Variants in MAPK14 observed in about 807,000 individuals in gnomAD.
The protein encoded by MAPK14 is mitogen-activated protein kinase 14.
A neutral mutation model predicts 49.6 loss-of-function variants in MAPK14; 16 were observed. That is an observed-to-expected ratio of 0.32 (90% confidence interval 0.22 to 0.49). The LOEUF is 0.49. Among genes scored for constraint, MAPK14 ranks in the 20% least tolerant of loss-of-function variants. MAPK14 has a pLI of 0.99. For missense variants in MAPK14, 200 were observed against 441.2 expected (o/e 0.45, Z 4.90); for synonymous variants, 142 against 158.0 (o/e 0.90, Z 0.76).
intron 1 of MAPK14, among the ~76,000 whole-genome samples, chr6:36,051,517 C>T (rs1340474156): frequency 1.3e-5 from 2 of 152,206 alleles, no homozygotes; most frequent in African/African-American, 4.8e-5. Context: ...TCTCCCCTTG[C>T]TCCCTGTGCT....
chr6:36,119,756 C>T, the MAPK14 span, among the ~76,000 whole-genome samples: 1 of 151,968 alleles, frequency 6.6e-6, no homozygotes, highest in African/African-American at 2.4e-5. Context: ...CATTTTGCGA[C>T]GCACAGGACG....
chr6:36,096,259 G>A (rs851007), intron 9 of MAPK14, 193 bp downstream of exon 9: 243,190 of 514,934 alleles, frequency 0.47, 61,743 homozygotes, highest in South Asian at 0.61. Flanking sequence ...GCATGCACAA[G>A]TGTGTTTTAT....
intron 8 of MAPK14, among the ~76,000 whole-genome samples, chr6:36,077,774 G>A (rs1364034881): frequency 6.6e-6 from 1 of 152,114 alleles, no homozygotes; most frequent in Non-Finnish European, 1.5e-5. Flanking sequence ...TTTTAAATTA[G>A]TTTAATACCT....
intron 8 of MAPK14, among the ~76,000 whole-genome samples, chr6:36,079,602 T>G (rs1764667971): frequency 6.6e-6 from 1 of 152,224 alleles, no homozygotes; most frequent in South Asian, 2.1e-4. Context: ...AGGCCCTGGG[T>G]TGGAAAAGCT....
intron 2 of MAPK14, among the ~76,000 whole-genome samples, chr6:36,056,054 G>A (rs1763578529): frequency 6.6e-6 from 1 of 151,876 alleles, no homozygotes; most frequent in African/African-American, 2.4e-5. Flanking sequence ...ATTAAAATTT[G>A]GTAGGGTATT....
chr6:36,095,833 G>C (rs1239815316), intron 8 of MAPK14, among the ~76,000 whole-genome samples, 154 bp from the exon 9 acceptor site: 1 of 151,456 alleles, frequency 6.6e-6, no homozygotes, highest in Non-Finnish European at 1.5e-5. Context: ...TCCTGCAGGA[G>C]CCTTGACCTA....
At chr6:36,092,037 C>G in intron 8 of MAPK14, 2 of 445,804 alleles carry the variant, frequency 4.5e-6, no homozygotes, top group Non-Finnish European at 8.8e-6. Flanking sequence ...TTGCATGTTT[C>G]AGTGCTAGAG....
At position 36,109,321 on chromosome 6, in the gene MAPK14, G is replaced by T. The variant is rs1581860579; in HGVS notation, c.*874G>T. On this transcript the variant is annotated 3_prime_UTR_variant, in exon 12 of 12. Coordinates refer to ENST00000229794, the MANE Select transcript of MAPK14 (RefSeq NM_139012.3). Reference sequence around the variant, plus strand: ...TATCTGCCCCAGTAGTCAGAAGCAGGTTCTTGATGTCATGTACTTCCTGTG... The same window carrying T: ...TATCTGCCCCAGTAGTCAGAAGCAGTTTCTTGATGTCATGTACTTCCTGTG... 1.3e-5 allele frequency: 2 copies of T among 152,696 alleles called. No homozygotes were observed. Among genetic ancestry groups the T allele is most frequent in the South Asian group, 4.1e-4 (2 of 4,832 alleles). The allele number at this position is 152,696 out of a possible 1,614,324, so 9.5% of individuals were successfully genotyped here. A position where few individuals can be genotyped will look rare whatever the true frequency, so the allele number is the denominator to read the frequency against.
At chr6:36,090,215 T>A (rs1009019673) in intron 8 of MAPK14, among the ~76,000 whole-genome samples, 6 of 152,216 alleles carry the variant, frequency 3.9e-5, no homozygotes, top group Non-Finnish European at 8.8e-5. Context: ...AATAAACACC[T>A]CTGTTCATAC....
intron 1 of MAPK14, among the ~76,000 whole-genome samples, chr6:36,036,111 C>G: frequency 6.6e-6 from 1 of 151,972 alleles, no homozygotes; most frequent in African/African-American, 2.4e-5. Context: ...TGGTGTACAC[C>G]TATAGTCCCA....
At chr6:36,074,555 C>T (rs569484986) in intron 6 of MAPK14, among the ~76,000 whole-genome samples, 2 of 152,234 alleles carry the variant, frequency 1.3e-5, no homozygotes, top group Admixed American at 1.3e-4. Context: ...TTAGAATGCA[C>T]CATTTCATTT....
intron 8 of MAPK14, among the ~76,000 whole-genome samples, chr6:36,086,013 C>T (rs1764970122): frequency 6.6e-6 from 1 of 152,296 alleles, no homozygotes; most frequent in African/African-American, 2.4e-5. Flanking sequence ...TCACTCAAAA[C>T]CACACAATTA....
intron 2 of MAPK14, among the ~76,000 whole-genome samples, chr6:36,057,581 T>C (rs894419721): frequency 2.0e-5 from 3 of 152,142 alleles, no homozygotes; most frequent in Admixed American, 2.0e-4. Context: ...GAGTCGGGCG[T>C]GGTGGTGCAT....
intron 8 of MAPK14, chr6:36,076,818 A>G (rs1409548992): frequency 9.2e-6 from 4 of 437,120 alleles, no homozygotes; most frequent in Admixed American, 4.1e-5. Context: ...AAAATTCCTC[A>G]TAAGTTGAAA....
At chr6:36,065,547 T>TGTGTGTGTGTGTGTGTGTG (rs1581777404) in intron 3 of MAPK14, among the ~76,000 whole-genome samples, 1 of 145,320 alleles carries the variant, frequency 6.9e-6, no homozygotes, top group Non-Finnish European at 1.5e-5. Context: ...TGTGTGTGTG[T>TGTGTGTGTGTGTGTGTGTG]TTGGTGGGAA....
chr6:36,093,720 C>CAAAAAAAAAAA (rs11343231), intron 8 of MAPK14, among the ~76,000 whole-genome samples: 2 of 83,116 alleles, frequency 2.4e-5, no homozygotes, highest in African/African-American at 4.6e-5. Flanking sequence ...GACTCCGTCT[C>CAAAAAAAAAAA]AAAAAAAAAA....
intron 1 of MAPK14, among the ~76,000 whole-genome samples, chr6:36,046,401 G>A (rs969857493): frequency 6.6e-6 from 1 of 152,174 alleles, no homozygotes; most frequent in Non-Finnish European, 1.5e-5. Context: ...GGTTTTACTT[G>A]TAGCTCTACT....
At chr6:36,116,883 C>G in the MAPK14 span, among the ~76,000 whole-genome samples, 1 of 152,170 alleles carries the variant, frequency 6.6e-6, no homozygotes, top group African/African-American at 2.4e-5. Context: ...AGTAATGTCT[C>G]TTTCTCAGTC....
rs1765869214 is a variant in MAPK14 at position 36,108,525 on chromosome 6, C to T, written c.*78C>T. 8.6e-7 allele frequency: 1 copy of T among 1,164,400 alleles called. No individual in the cohort carries two copies. The highest frequency in any genetic ancestry group is 1.3e-6 in the Non-Finnish European group (1 of 771,690). The allele number at this position is 1,164,400 out of a possible 1,614,324, so 72.1% of individuals were successfully genotyped here. A position where few individuals can be genotyped will look rare whatever the true frequency, so the allele number is the denominator to read the frequency against. On this transcript the variant is annotated 3_prime_UTR_variant, in exon 12 of 12. Transcript: ENST00000229794. ...TCACGGGAACTCTCCAAATATTATT[C>T]AAGTGCCTCTTGTTGCAGAGATTTC...
Sources: allele counts gnomAD v4.1 joint callset (sites outside exome capture counted in the v4.1 genomes callset), GRCh38; gene constraint gnomAD v4.1.1; transcripts MANE v1.5; gene names NCBI Gene and HGNC (gene_info 2026-07-23, HGNC 2026-07-21).